HECW2: variants seen among roughly 807,000 people sequenced by gnomAD.
The protein encoded by HECW2 is HECT, C2 and WW domain containing E3 ubiquitin protein ligase 2.
A neutral mutation model predicts 175.2 loss-of-function variants in HECW2; 61 were observed. That is an observed-to-expected ratio of 0.35 (90% CI 0.28 to 0.43). The LOEUF is 0.43. HECW2 is among the 20% of genes least tolerant of loss of function. HECW2 has a pLI of 1.00. For synonymous variants in HECW2, 671 were observed against 731.0 expected, an observed-to-expected ratio of 0.92 and a Z score of 1.32; for missense variants, 1,524 against 2,000.5, an observed-to-expected ratio of 0.76 and a Z score of 4.54.
intron 2 of HECW2, among the ~76,000 whole-genome samples, chr2:196,393,022 T>G (rs1451433366): frequency 1.3e-5 from 2 of 152,180 alleles, no homozygotes; most frequent in African/African-American, 4.8e-5. Context: ...CCATCTGATC[T>G]TTGACAAACC....
chr2:196,531,900 A>ATCATCACTTTGACATATT, intron 1 of HECW2, among the ~76,000 whole-genome samples: 1 of 152,298 alleles, frequency 6.6e-6, no homozygotes, highest in South Asian at 2.1e-4. Context: ...GTACCCTCTC[A>ATCATCACTTTGACATATT]TCATCACTTT....
chr2:196,205,941 G>C (rs570524543), intron 28 of HECW2, among the ~76,000 whole-genome samples: 1 of 152,088 alleles, frequency 6.6e-6, no homozygotes, highest in Non-Finnish European at 1.5e-5. Flanking sequence ...GAATAGTGTG[G>C]TTAAATAAAT....
intron 18 of HECW2, among the ~76,000 whole-genome samples, chr2:196,254,648 A>G (rs1362983074): frequency 1.3e-5 from 2 of 152,206 alleles, no homozygotes; most frequent in Non-Finnish European, 2.9e-5. Flanking sequence ...AAAGAGAGTA[A>G]CCAGAGACCT....
intron 1 of HECW2, among the ~76,000 whole-genome samples, chr2:196,476,603 G>A (rs990824040): frequency 1.3e-5 from 2 of 152,032 alleles, no homozygotes; most frequent in African/African-American, 4.8e-5. Flanking sequence ...TTTTGAAAAA[G>A]TTCAGTTAAT....
At chr2:196,286,813 T>C (rs77746801) in intron 14 of HECW2, among the ~76,000 whole-genome samples, 3,927 of 152,296 alleles carry the variant, frequency 0.026, 75 homozygotes, top group South Asian at 0.093. Context: ...GTAACAAATG[T>C]GGTGGTCAAG....
rs578108555 is a variant in HECW2 at position 196,228,820 on chromosome 2, G to GC, written c.3765-567_3765-566insG. The stretch of plus-strand genomic sequence containing the variant: ...AAAAATGGAGTGATAAGGTGCAAAT[G>GC]TTTTAAATGATAAAACACAAAGGAA... On this transcript the variant is annotated intron_variant, in intron 21 of 28. Coordinates refer to ENST00000644978, the MANE Select transcript of HECW2 (RefSeq NM_001348768.2). 9.8e-5 allele frequency among the ~76,000 whole-genome samples: 15 copies of GC among 152,308 alleles called. 1 individual carries two copies. The South Asian group carries it at 2.7e-3, about 27-fold the overall frequency.
intron 2 of HECW2, among the ~76,000 whole-genome samples, chr2:196,411,043 G>C (rs1236647051): frequency 6.6e-6 from 1 of 152,168 alleles, no homozygotes; most frequent in African/African-American, 2.4e-5. Context: ...CTGTTGCTGA[G>C]GCTGAAGTGC....
intron 1 of HECW2, among the ~76,000 whole-genome samples, chr2:196,457,742 C>T (rs1485585566): frequency 6.6e-6 from 1 of 152,120 alleles, no homozygotes; most frequent in Non-Finnish European, 1.5e-5. Flanking sequence ...GTCTGTGATT[C>T]ATTTAAAAAT....
chr2:196,242,150 G>C lies in HECW2; in HGVS notation c.3584C>G (p.Ala1195Gly), dbSNP rs2105883939. The C allele has an allele frequency of 1.2e-6, 2 of 1,614,090 alleles. No homozygotes were observed. The highest frequency in any genetic ancestry group is 1.7e-6 in the Non-Finnish European group (2 of 1,179,996). The change falls in exon 20 of 29, where the codon GCC (alanine) becomes GGC (glycine). Residue 1195 changes from alanine (A) to glycine (G), a missense_variant. Ala to Gly is a moderately conservative substitution (Grantham distance 60). This residue lies in a region of HECW2 where 291 missense variants were observed against 412.2 expected (regional missense o/e 0.71). Coordinates refer to ENST00000644978, the MANE Select transcript of HECW2 (RefSeq NM_001348768.2). ...CTTCCTGTAAAAGTTCCTCAGTTTGGCTTCGAAATCCCGCTTGTAAGGGGC... is the reference window on the plus strand; with the variant it reads ...CTTCCTGTAAAAGTTCCTCAGTTTGCCTTCGAAATCCCGCTTGTAAGGGGC... ...APAPYKRDFE[A>G]KLRNFYRKLE...
intron 2 of HECW2, among the ~76,000 whole-genome samples, chr2:196,399,021 C>A (rs1319066568): frequency 6.6e-6 from 1 of 152,108 alleles, no homozygotes; most frequent in Non-Finnish European, 1.5e-5. Flanking sequence ...GCTTCTAAAC[C>A]AACATATATT....
At chr2:196,410,127 G>A (rs767071633) in intron 2 of HECW2, among the ~76,000 whole-genome samples, 18 of 152,122 alleles carry the variant, frequency 1.2e-4, no homozygotes, top group Admixed American at 1.0e-3. Context: ...GTGTTATTGT[G>A]CAAGGTTTCA....
intron 28 of HECW2, among the ~76,000 whole-genome samples, chr2:196,214,683 G>A (rs11902710): frequency 0.16 from 23,752 of 152,130 alleles, 4,230 homozygotes; most frequent in African/African-American, 0.44. Flanking sequence ...GGTGGCCAAG[G>A]AGGCTCAGGC....
At chr2:196,292,306 CAGGT>C in intron 14 of HECW2, 1 of 404,286 alleles carries the variant, frequency 2.5e-6, no homozygotes, top group Non-Finnish European at 4.5e-6. Context: ...AGAGAGATGA[CAGGT>C]AGGAGAGTTT....
chr2:196,391,468 T>C (rs191660667), intron 2 of HECW2, among the ~76,000 whole-genome samples: 114 of 152,332 alleles, frequency 7.5e-4, no homozygotes, highest in African/African-American at 2.6e-3. Flanking sequence ...TTGTACTGAA[T>C]TGATACTGCT....
At chr2:196,525,498 G>A (rs1366211030) in intron 1 of HECW2, among the ~76,000 whole-genome samples, 57 of 145,782 alleles carry the variant, frequency 3.9e-4, no homozygotes, top group Non-Finnish European at 6.0e-5. Flanking sequence ...ATATTGTTAT[G>A]TGTGAATTTG....
chr2:196,454,864 A>T (rs544870160), intron 1 of HECW2, among the ~76,000 whole-genome samples: 1 of 152,324 alleles, frequency 6.6e-6, no homozygotes, highest in East Asian at 1.9e-4. Flanking sequence ...TGAAAGGGTT[A>T]TTATTAGAAT....
intron 1 of HECW2, among the ~76,000 whole-genome samples, chr2:196,554,455 A>C (rs10178900): frequency 0.041 from 6,302 of 152,302 alleles, 450 homozygotes; most frequent in African/African-American, 0.14. Flanking sequence ...CCTATGAAAA[A>C]ACTGAAGAAA....
chr2:196,590,750 T>A (rs934073114), intron 1 of HECW2, among the ~76,000 whole-genome samples: 3 of 152,224 alleles, frequency 2.0e-5, no homozygotes, highest in Non-Finnish European at 4.4e-5. Flanking sequence ...CCAAAGCATC[T>A]GTCCTCAACT....
chr2:196,278,841 G>A, intron 14 of HECW2, 179 bp from the exon 15 acceptor site: 1 of 627,270 alleles, frequency 1.6e-6, no homozygotes, highest in Non-Finnish European at 2.7e-6. Flanking sequence ...ATTAGAGAAA[G>A]CCAAGCTTAG....
Sources: gnomAD v4.1 joint callset for allele counts (sites outside exome capture counted in the v4.1 genomes callset) on GRCh38, gnomAD v4.1.1 for gene constraint, gnomAD v4.1.1 regional missense constraint, MANE v1.5 for transcripts, NCBI Gene and HGNC (gene_info 2026-07-23, HGNC 2026-07-21) for gene names.